The following FCRL5 variants were observed in gnomAD, a reference collection of about 807,000 sequenced individuals.
The protein encoded by FCRL5 is Fc receptor-like protein 5.
Under a neutral mutation model 92.1 loss-of-function variants are expected in FCRL5, and 79 were observed. That is an observed-to-expected ratio of 0.86 (90% CI 0.72 to 1.03). The LOEUF (loss-of-function observed/expected upper bound fraction) is 1.03, where lower values mean the gene tolerates loss of function less well. Ranked by LOEUF, FCRL5 falls within the 50% of genes least tolerant of loss-of-function variation. The probability of loss-of-function intolerance (pLI) is 0.00; values close to 1 mark genes in which losing one functional copy is unlikely to be tolerated. For missense variants in FCRL5, 1,160 were observed against 1,181.1 expected (o/e 0.98, Z 0.26); for synonymous variants, 466 against 469.3 (o/e 0.99, Z 0.09).
At chr1:157,530,095 C>T (rs1650629230) in intron 8 of FCRL5, among the ~76,000 whole-genome samples, 2 of 152,048 alleles carry the variant, frequency 1.3e-5, no homozygotes, top group South Asian at 2.1e-4. Context: ...TATTTGGTGA[C>T]ACTTTCTAGA....
intron 11 of FCRL5, 22 bp from the exon 12 acceptor site, chr1:157,520,569 T>C (rs1443642457): frequency 2.6e-6 from 4 of 1,563,076 alleles, no homozygotes; most frequent in Admixed American, 3.6e-5. Flanking sequence ...ACCCTGTGTG[T>C]GAGCCAGAGG....
In FCRL5 at chr1:157,527,811, G is replaced by A; in HGVS notation, c.1766C>T (p.Ala589Val). The A allele has an allele frequency of 1.9e-6, 3 of 1,613,532 alleles. No homozygotes were observed. Among genetic ancestry groups the A allele is most frequent in the Non-Finnish European group, 2.5e-6 (3 of 1,179,626 alleles). ...CAGGATTGGGGGAGAGCCTCTCGGG[G>A]CCTCACAGTGAAGCTCCAGCAGGTC... ...VGDLLELHCEAPRGSPPILYW... is the reference protein window; with the variant it reads ...VGDLLELHCEVPRGSPPILYW... Residue 589 changes from alanine (A) to valine (V), a missense_variant, in exon 9 of 17, where the codon GCC becomes GTC. Physicochemically the swap from Ala to Val is moderately conservative, Grantham distance 64. Transcript: ENST00000361835.
At chr1:157,552,177 G>A (rs542206904) in intron 1 of FCRL5, among the ~76,000 whole-genome samples, 155 bp downstream of exon 1, 116 of 152,276 alleles carry the variant, frequency 7.6e-4, no homozygotes, top group African/African-American at 2.7e-3. Context: ...TCAAGAGAAA[G>A]CCCTGAGCTA....
chr1:157,535,057 T>C (rs1286861725), intron 7 of FCRL5, among the ~76,000 whole-genome samples, 165 bp from the exon 8 acceptor site: 1 of 152,218 alleles, frequency 6.6e-6, no homozygotes, highest in African/African-American at 2.4e-5. Flanking sequence ...CCCTCCATGC[T>C]GGTCTTTCCC....
At chr1:157,530,716 C>T (rs1650659040) in intron 8 of FCRL5, among the ~76,000 whole-genome samples, 1 of 152,188 alleles carries the variant, frequency 6.6e-6, no homozygotes, top group African/African-American at 2.4e-5. Context: ...TGCTATAATA[C>T]ATTTAAGCAT....
chr1:157,519,267 C>T (rs1177359570), intron 13 of FCRL5, among the ~76,000 whole-genome samples: 2 of 152,198 alleles, frequency 1.3e-5, no homozygotes, highest in African/African-American at 2.4e-5. Flanking sequence ...CTTAGGGATA[C>T]AAGATGGTGG....
intron 2 of FCRL5, 149 bp downstream of exon 2, chr1:157,549,411 T>C (rs567891816): frequency 2.3e-5 from 16 of 684,710 alleles, no homozygotes; most frequent in East Asian, 2.0e-4. Flanking sequence ...GTTGTGCACA[T>C]GTACCCTAAA....
At chr1:157,548,967 T>C (rs1199042258) in intron 2 of FCRL5, among the ~76,000 whole-genome samples, 1 of 152,108 alleles carries the variant, frequency 6.6e-6, no homozygotes, top group Non-Finnish European at 1.5e-5. Context: ...ATCATGCTGC[T>C]ATAAAGGCAC....
intron 8 of FCRL5, 103 bp downstream of exon 8, chr1:157,534,511 G>T: frequency 2.2e-6 from 3 of 1,394,722 alleles, no homozygotes; most frequent in East Asian, 2.3e-5. Flanking sequence ...AGGGGATTAA[G>T]TTGATTAGGG....
intron 15 of FCRL5, among the ~76,000 whole-genome samples, chr1:157,516,677 A>G (rs966300491): frequency 6.6e-6 from 1 of 152,224 alleles, no homozygotes; most frequent in Non-Finnish European, 1.5e-5. Context: ...ATAAATTATT[A>G]TTGTTATATT....
chr1:157,534,529 C>G (rs1378453964), intron 8 of FCRL5, 85 bp downstream of exon 8: 1 of 1,520,200 alleles, frequency 6.6e-7, no homozygotes, highest in East Asian at 2.3e-5. Context: ...GGGGAGGAAA[C>G]TGGACAGTGC....
chr1:157,546,940 C>A lies in FCRL5; in HGVS notation c.307+3G>T. 1 of 1,611,200 alleles carries A rather than the reference C, an allele frequency of 6.2e-7. No individual in the cohort carries two copies. Among genetic ancestry groups the A allele is most frequent in the Non-Finnish European group, 8.5e-7 (1 of 1,178,150 alleles). The stretch of plus-strand genomic sequence containing the variant: ...AGTTGGTGCGTCTTTCACGCTCTCT[C>A]ACCTGAAGAAAAATCCAAGTGCACA... On this transcript the variant is annotated splice_donor_region_variant and intron_variant, in intron 3 of 16. Transcript: ENST00000361835.
intron 3 of FCRL5, 61 bp from the exon 4 acceptor site, chr1:157,545,143 T>G (rs1295245546): frequency 6.5e-6 from 10 of 1,539,756 alleles, no homozygotes; most frequent in Non-Finnish European, 7.8e-6. Flanking sequence ...CTTTTCATTG[T>G]TTTTCCAAGT....
At chr1:157,519,968 G>A (rs1056189516) in intron 12 of FCRL5, among the ~76,000 whole-genome samples, 198 bp from the exon 13 acceptor site, 3 of 152,142 alleles carry the variant, frequency 2.0e-5, no homozygotes, top group Non-Finnish European at 2.9e-5. Context: ...GATGTGAAAC[G>A]GGAGTCCACA....
At chr1:157,527,497 C>T in intron 9 of FCRL5, 120 bp downstream of exon 9, 3 of 1,040,532 alleles carry the variant, frequency 2.9e-6, no homozygotes, top group African/African-American at 1.6e-5. Context: ...GTGTAGGCAC[C>T]AAGCCTGACA....
chr1:157,549,633 T>A, intron 1 of FCRL5, 53 bp from the exon 2 acceptor site: 1 of 1,565,702 alleles, frequency 6.4e-7, no homozygotes, highest in Non-Finnish European at 8.7e-7. Flanking sequence ...TATTTTGTTT[T>A]AAGAAGATAA....
chr1:157,515,800 G>A, intron 16 of FCRL5, 36 bp from the exon 17 acceptor site: 2 of 1,613,728 alleles, frequency 1.2e-6, no homozygotes, highest in South Asian at 1.1e-5. Context: ...GGACCAGGGT[G>A]GGCCTGGGGG....
chr1:157,520,280 C>T lies in FCRL5; in HGVS notation c.2632+151G>A, dbSNP rs571156383. ...AACTGTGCATTTGGTAAAAGCAATT[C>T]GGGAGGACCCAGCGGGAAAGGAAGA... On this transcript the variant is annotated intron_variant, in intron 12 of 16. Coordinates refer to ENST00000361835, the MANE Select transcript of FCRL5 (RefSeq NM_031281.3). The T allele has an allele frequency of 1.6e-5, 10 of 627,046 alleles. No homozygotes were observed. In the East Asian group the frequency reaches 2.5e-4, roughly 16 times the overall value. 38.8% of individuals were successfully genotyped at this position (627,046 alleles called of 1,614,324 possible).
rs758882691 is a variant in FCRL5 at position 157,544,579 on chromosome 1, A to G, written c.560-33T>C. ...GAAGAATCACAACAGTCCCAGAGCAATGAGGCTGGAACTGCTTTGGAGAAA... is the reference window on the plus strand; with the variant it reads ...GAAGAATCACAACAGTCCCAGAGCAGTGAGGCTGGAACTGCTTTGGAGAAA... On this transcript the variant is annotated intron_variant, in intron 4 of 16. Coordinates refer to ENST00000361835, the MANE Select transcript of FCRL5 (RefSeq NM_031281.3). 2.5e-6 allele frequency: 4 copies of G among 1,605,590 alleles called. No individual in the cohort carries two copies. The South Asian group carries it at 3.3e-5, about 13-fold the overall frequency.
Sources: allele counts gnomAD v4.1 joint callset (sites outside exome capture counted in the v4.1 genomes callset), GRCh38; gene constraint gnomAD v4.1.1; transcripts MANE v1.5; gene names NCBI Gene and HGNC (gene_info 2026-07-23, HGNC 2026-07-21).